The following GABRB1 variants were observed in gnomAD, a reference collection of about 807,000 sequenced individuals.
GABRB1 encodes gamma-aminobutyric acid receptor subunit beta-1.
Under a neutral mutation model 51.6 loss-of-function variants are expected in GABRB1, and 17 were observed. That is an observed-to-expected ratio of 0.33 (90% CI 0.23 to 0.49). The LOEUF (loss-of-function observed/expected upper bound fraction) is 0.49, where lower values mean the gene tolerates loss of function less well. Ranked by LOEUF, GABRB1 falls within the 20% of genes least tolerant of loss-of-function variation. GABRB1 has a pLI of 0.99. For missense variants in GABRB1, 410 were observed against 600.6 expected (o/e 0.68, Z 3.32); for synonymous variants, 247 against 218.9 (o/e 1.13, Z -1.14).
At chr4:47,321,864 A>C (rs1725097737) in intron 5 of GABRB1, among the ~76,000 whole-genome samples, 1 of 152,202 alleles carries the variant, frequency 6.6e-6, no homozygotes. Flanking sequence ...TCATTTGCTT[A>C]AAGGAGCAGT....
intron 3 of GABRB1, among the ~76,000 whole-genome samples, chr4:47,137,352 G>A (rs1333336161): frequency 6.6e-6 from 1 of 152,070 alleles, no homozygotes. Context: ...ATGTTGGTGT[G>A]TGAGTTAACC....
At chr4:47,235,608 G>C (rs1190262538) in intron 4 of GABRB1, among the ~76,000 whole-genome samples, 1 of 150,298 alleles carries the variant, frequency 6.7e-6, no homozygotes, top group East Asian at 1.9e-4. Context: ...AAAACTCTTT[G>C]GGAAGATAGA....
chr4:47,161,742 T>A (rs990839465), intron 4 of GABRB1, among the ~76,000 whole-genome samples: 2 of 152,076 alleles, frequency 1.3e-5, no homozygotes, highest in African/African-American at 4.8e-5. Context: ...GGCTCTTTAT[T>A]CTTTGGTGTC....
chr4:47,175,088 G>A (rs1400864443), intron 4 of GABRB1, among the ~76,000 whole-genome samples: 1 of 102,014 alleles, frequency 9.8e-6, no homozygotes, highest in African/African-American at 3.8e-5. Flanking sequence ...TCCCTCCCTT[G>A]TTTGTTTCCT....
intron 4 of GABRB1, among the ~76,000 whole-genome samples, chr4:47,207,960 T>C (rs765569176): frequency 6.6e-6 from 1 of 152,006 alleles, no homozygotes; most frequent in Non-Finnish European, 1.5e-5. Flanking sequence ...ACCTAACTCC[T>C]GGCATGTAAA....
chr4:47,079,657 AC>A (rs1186235471), intron 3 of GABRB1, among the ~76,000 whole-genome samples: 23 of 152,084 alleles, frequency 1.5e-4, no homozygotes. Context: ...ACCATGGAAT[AC>A]TATGCAGCCA....
Position 47,116,172 on chromosome 4 carries a change from A to G in GABRB1, c.241-45077A>G, listed in dbSNP as rs77367058. Among the ~76,000 whole-genome samples the G allele has an allele frequency of 5.1e-4, 77 of 152,298 alleles. No homozygotes were observed. In the East Asian group the frequency reaches 0.012, roughly 24 times the overall value. ...ATTGTCAAGTTTGGTACACTCTACA[A>G]CTAGTTACTTAATGCAGTATTCATG... is the stretch of plus-strand genomic sequence containing the variant. On this transcript the variant is annotated intron_variant, in intron 3 of 8. Coordinates refer to ENST00000295454, the MANE Select transcript of GABRB1 (RefSeq NM_000812.4).
At chr4:47,284,964 G>A (rs1393668555) in intron 4 of GABRB1, among the ~76,000 whole-genome samples, 3 of 152,184 alleles carry the variant, frequency 2.0e-5, no homozygotes, top group Non-Finnish European at 4.4e-5. Flanking sequence ...AGAGTTTGGA[G>A]GATCGTACCC....
At chr4:47,259,959 C>T (rs1362259342) in intron 4 of GABRB1, among the ~76,000 whole-genome samples, 1 of 151,304 alleles carries the variant, frequency 6.6e-6, no homozygotes, top group Non-Finnish European at 1.5e-5. Context: ...ATATGGGAGT[C>T]TAAGTCTCTT....
chr4:47,328,492 T>C lies in GABRB1; in HGVS notation c.544+8283T>C, dbSNP rs148027206. On this transcript the variant is annotated intron_variant, in intron 5 of 8. Transcript: ENST00000295454. ...CGCATGTTTATTGCGGCACTATTCATAATAGCAAAGACTTGGAACCAACCC... is the reference window on the plus strand; with the variant it reads ...CGCATGTTTATTGCGGCACTATTCACAATAGCAAAGACTTGGAACCAACCC... Among the ~76,000 whole-genome samples the C allele has an allele frequency of 9.6e-3, 1,460 of 152,236 alleles. 12 individuals are homozygous for C. Among genetic ancestry groups the C allele is most frequent in the Non-Finnish European group, 0.012 (838 of 68,014 alleles).
chr4:47,232,924 G>C (rs1721195733), intron 4 of GABRB1, among the ~76,000 whole-genome samples: 1 of 150,482 alleles, frequency 6.6e-6, no homozygotes, highest in African/African-American at 2.4e-5. Flanking sequence ...ACCCAGGCTG[G>C]AGTGCAGTGG....
intron 5 of GABRB1, among the ~76,000 whole-genome samples, chr4:47,359,279 T>G (rs1273392973): frequency 6.6e-6 from 1 of 152,158 alleles, no homozygotes; most frequent in South Asian, 2.1e-4. Context: ...GTGAACATCA[T>G]GATGGAAACA....
At chr4:47,409,010 G>A (rs1031055784) in intron 8 of GABRB1, among the ~76,000 whole-genome samples, 43 of 152,182 alleles carry the variant, frequency 2.8e-4, no homozygotes, top group African/African-American at 9.9e-4. Flanking sequence ...TCTAGGGAGA[G>A]TAATTAAATT....
chr4:47,156,522 A>G (rs1359804211), intron 3 of GABRB1, among the ~76,000 whole-genome samples: 1 of 152,044 alleles, frequency 6.6e-6, no homozygotes, highest in Non-Finnish European at 1.5e-5. Context: ...TCACTGCTAA[A>G]TGTACCTAAC....
intron 3 of GABRB1, among the ~76,000 whole-genome samples, chr4:47,134,715 GT>G (rs1052713059): frequency 6.6e-6 from 1 of 152,106 alleles, no homozygotes; most frequent in African/African-American, 2.4e-5. Context: ...AAATAATTCC[GT>G]TTTCTAAATG....
intron 3 of GABRB1, among the ~76,000 whole-genome samples, chr4:47,039,258 T>G (rs1725726726): frequency 6.6e-6 from 1 of 151,042 alleles, no homozygotes; most frequent in Non-Finnish European, 1.5e-5. Context: ...TTTCCCTGTC[T>G]CTCACATCCC....
At chr4:47,169,119 A>G (rs1351340356) in intron 4 of GABRB1, among the ~76,000 whole-genome samples, 1 of 152,144 alleles carries the variant, frequency 6.6e-6, no homozygotes, top group Non-Finnish European at 1.5e-5. Flanking sequence ...TATGAATTTG[A>G]CGAGACACAA....
intron 4 of GABRB1, among the ~76,000 whole-genome samples, chr4:47,299,204 A>G (rs944991431): frequency 1.3e-5 from 2 of 152,214 alleles, no homozygotes; most frequent in Non-Finnish European, 2.9e-5. Flanking sequence ...CTAAAACACC[A>G]AAAGCAATGG....
At chr4:47,361,507 C>T (rs1726803623) in intron 5 of GABRB1, among the ~76,000 whole-genome samples, 1 of 152,020 alleles carries the variant, frequency 6.6e-6, no homozygotes, top group Non-Finnish European at 1.5e-5. Context: ...ACTGAAGGAA[C>T]TTAGGCAAGA....
Sources: allele counts gnomAD v4.1 joint callset (sites outside exome capture counted in the v4.1 genomes callset), GRCh38; gene constraint gnomAD v4.1.1; transcripts MANE v1.5; gene names NCBI Gene and HGNC (gene_info 2026-07-23, HGNC 2026-07-21).